Variants in KCNIP4 observed in about 807,000 individuals in gnomAD.
KCNIP4 encodes potassium voltage-gated channel interacting protein 4.
In KCNIP4, 12 loss-of-function variants were observed where a neutral mutation model predicts 34.0. The observed-to-expected ratio is 0.35, with a 90% CI of 0.23 to 0.57. The LOEUF (loss-of-function observed/expected upper bound fraction) is 0.57. Ranked by LOEUF, KCNIP4 falls within the 20% of genes least tolerant of loss-of-function variation. KCNIP4 has a pLI of 0.83. For synonymous variants in KCNIP4, 124 were observed against 102.2 expected, an observed-to-expected ratio of 1.21 and a Z score of -1.29; for missense variants, 238 against 311.7, an observed-to-expected ratio of 0.76 and a Z score of 1.78.
At chr4:21,422,423 A>G (rs1318375503) in intron 1 of KCNIP4, among the ~76,000 whole-genome samples, 1 of 151,486 alleles carries the variant, frequency 6.6e-6, no homozygotes, top group Non-Finnish European at 1.5e-5. Context: ...CTGGTCTCCA[A>G]CTCCTGACCT....
intron 1 of KCNIP4, among the ~76,000 whole-genome samples, chr4:21,388,461 C>T (rs1458687866): frequency 6.6e-6 from 1 of 151,632 alleles, no homozygotes; most frequent in Non-Finnish European, 1.5e-5. Flanking sequence ...CTCAATATAC[C>T]CATAGATTAT....
intron 1 of KCNIP4, among the ~76,000 whole-genome samples, chr4:21,323,144 G>GTATATATATATATATATATATATA (rs747961833): frequency 1.4e-4 from 11 of 77,902 alleles, no homozygotes; most frequent in African/African-American, 4.4e-4. Context: ...TCTTTTGTAA[G>GTATATATATATATATATATATATA]TATATATATA....
intron 1 of KCNIP4, among the ~76,000 whole-genome samples, chr4:20,916,915 C>T (rs2149579051): frequency 6.9e-6 from 1 of 145,978 alleles, no homozygotes; most frequent in Admixed American, 7.0e-5. Flanking sequence ...TTTTTCCTTA[C>T]CTCCCCTCCT....
intron 1 of KCNIP4, among the ~76,000 whole-genome samples, chr4:21,603,354 GGAAAGAAAAA>G (rs1743367063): frequency 6.6e-6 from 1 of 151,922 alleles, no homozygotes; most frequent in Admixed American, 6.6e-5. Flanking sequence ...AGATTGTGTG[GGAAAGAAAAA>G]GAGGAGGAAG....
At chr4:20,741,921 A>G (rs1377892894) in intron 5 of KCNIP4, among the ~76,000 whole-genome samples, 2 of 152,234 alleles carry the variant, frequency 1.3e-5, no homozygotes, top group Non-Finnish European at 2.9e-5. Flanking sequence ...ACAAACTACC[A>G]TCAGAGAATA....
chr4:20,784,155 G>GT, intron 3 of KCNIP4, among the ~76,000 whole-genome samples: 1 of 152,174 alleles, frequency 6.6e-6, no homozygotes, highest in Non-Finnish European at 1.5e-5. Context: ...CCACCTGAGA[G>GT]TAGAGTTTCT....
At position 21,626,630 on chromosome 4, in the gene KCNIP4, A is replaced by T. The variant is rs372067867; in HGVS notation, c.61+321941T>A. Among the ~76,000 whole-genome samples, 263 of 152,194 alleles carry T rather than the reference A, an allele frequency of 1.7e-3. 10 individuals carry two copies. In the South Asian group the frequency reaches 0.048, roughly 28 times the overall value. The stretch of plus-strand genomic sequence containing the variant: ...ATAGTAATACTAAGCACTTTGGGGC[A>T]GTGGCAACTACCCCATCTCACTCAA... On this transcript the variant is annotated intron_variant, in intron 1 of 8. Transcript: ENST00000382152.
At chr4:20,819,171 C>A (rs552669077) in intron 3 of KCNIP4, among the ~76,000 whole-genome samples, 29 of 151,990 alleles carry the variant, frequency 1.9e-4, no homozygotes, top group Non-Finnish European at 3.8e-4. Context: ...TATGTTATCT[C>A]ACTTAATCCT....
At chr4:21,471,867 C>T (rs904007247) in intron 1 of KCNIP4, among the ~76,000 whole-genome samples, 9 of 151,902 alleles carry the variant, frequency 5.9e-5, no homozygotes, top group South Asian at 2.1e-4. Flanking sequence ...ATTTTATGTC[C>T]CTAATAATAT....
At chr4:21,602,585 A>G (rs1743279778) in intron 1 of KCNIP4, among the ~76,000 whole-genome samples, 1 of 152,182 alleles carries the variant, frequency 6.6e-6, no homozygotes, top group South Asian at 2.1e-4. Context: ...AGGTATGAAT[A>G]ATCCTCAAGT....
intron 1 of KCNIP4, among the ~76,000 whole-genome samples, chr4:21,208,209 T>C (rs1756985815): frequency 6.6e-6 from 1 of 152,216 alleles, no homozygotes; most frequent in Admixed American, 6.5e-5. Context: ...TGCATTATCC[T>C]TTATTTATGC....
chr4:21,174,407 T>C, intron 1 of KCNIP4, among the ~76,000 whole-genome samples: 1 of 152,192 alleles, frequency 6.6e-6, no homozygotes, highest in East Asian at 1.9e-4. Context: ...ACTCAGTTTG[T>C]ATGCAAAATG....
At chr4:20,822,164 C>T (rs960199546) in intron 3 of KCNIP4, among the ~76,000 whole-genome samples, 6 of 152,082 alleles carry the variant, frequency 3.9e-5, no homozygotes, top group Non-Finnish European at 5.9e-5. Flanking sequence ...GGAAACTATA[C>T]ATCCAATAAA....
chr4:21,068,308 A>G (rs1277329796), intron 1 of KCNIP4, among the ~76,000 whole-genome samples: 1 of 152,110 alleles, frequency 6.6e-6, no homozygotes, highest in East Asian at 1.9e-4. Context: ...CTGAGTGTTT[A>G]CCTTCCACTT....
intron 2 of KCNIP4, among the ~76,000 whole-genome samples, chr4:20,854,323 A>C (rs996740987): frequency 3.3e-5 from 5 of 152,204 alleles, no homozygotes; most frequent in Non-Finnish European, 5.9e-5. Flanking sequence ...AAAAGGAAAG[A>C]ATTAATGGCA....
intron 1 of KCNIP4, among the ~76,000 whole-genome samples, chr4:21,196,435 A>T (rs1756060647): frequency 6.6e-6 from 1 of 152,288 alleles, no homozygotes; most frequent in Admixed American, 6.5e-5. Context: ...ACAAAATGAT[A>T]CCACCCCAGG....
rs547379791 is a variant in KCNIP4, at chr4:21,857,849, C to T, written c.61+90722G>A. Reference sequence around the variant, plus strand: ...GCAACAGGGAGAGAAGGGCAGTGGCCCTTCAGGGAGCCCAGACTTAGCTCC... The same window carrying T: ...GCAACAGGGAGAGAAGGGCAGTGGCTCTTCAGGGAGCCCAGACTTAGCTCC... On this transcript the variant is annotated intron_variant, in intron 1 of 8. Transcript: ENST00000382152. Among the ~76,000 whole-genome samples the T allele has an allele frequency of 5.9e-5, 9 of 152,292 alleles. No homozygotes were observed. In the East Asian group the frequency reaches 1.7e-3, roughly 29 times the overall value.
At chr4:20,775,536 TAAAA>T (rs4054941) in intron 3 of KCNIP4, among the ~76,000 whole-genome samples, 39 of 126,838 alleles carry the variant, frequency 3.1e-4, no homozygotes, top group African/African-American at 7.7e-4. Flanking sequence ...CTCAGTTTCT[TAAAA>T]AAAAAAAAAA....
intron 1 of KCNIP4, among the ~76,000 whole-genome samples, chr4:21,421,282 T>C (rs1725430932): frequency 1.3e-5 from 2 of 152,140 alleles, no homozygotes; most frequent in Admixed American, 6.5e-5. Context: ...TATATATCCA[T>C]AGGAAAAAAA....
Sources: gnomAD v4.1 joint callset for allele counts (sites outside exome capture counted in the v4.1 genomes callset) on GRCh38, gnomAD v4.1.1 for gene constraint, MANE v1.5 for transcripts, NCBI Gene and HGNC (gene_info 2026-07-23, HGNC 2026-07-21) for gene names.